Variants in TAF1B observed in about 807,000 individuals in gnomAD.
The protein encoded by TAF1B is TATA-box binding protein associated factor, RNA polymerase I subunit B, also known as TATA box-binding protein-associated factor RNA polymerase I subunit B.
Under a neutral mutation model 83.9 loss-of-function variants are expected in TAF1B, and 61 were observed. That is an observed-to-expected ratio of 0.73 (90% CI 0.59 to 0.90). The LOEUF (loss-of-function observed/expected upper bound fraction) is 0.90, where lower values mean the gene tolerates loss of function less well. Ranked by LOEUF, TAF1B falls within the 40% of genes least tolerant of loss-of-function variation. TAF1B has a pLI of 0.00. For missense variants in TAF1B, 625 were observed against 677.0 expected, an observed-to-expected ratio of 0.92 and a Z score of 0.85; for synonymous variants, 221 against 224.6, an observed-to-expected ratio of 0.98 and a Z score of 0.14.
At chr2:9,883,888 G>A (rs537598285) in intron 8 of TAF1B, among the ~76,000 whole-genome samples, 4 of 152,214 alleles carry the variant, frequency 2.6e-5, no homozygotes, top group Non-Finnish European at 1.5e-5. Flanking sequence ...ATATTGTTGC[G>A]GGATCTTTGG....
chr2:9,846,907 T>G (rs1405308938), intron 2 of TAF1B, among the ~76,000 whole-genome samples: 1 of 152,174 alleles, frequency 6.6e-6, no homozygotes. Context: ...TCACCCTCAT[T>G]GTGTAGTAAG....
intron 8 of TAF1B, among the ~76,000 whole-genome samples, chr2:9,899,726 G>C (rs1665127130): frequency 6.6e-6 from 1 of 152,134 alleles, no homozygotes. Flanking sequence ...AAAATAATGA[G>C]AAGTACAAAG....
At chr2:9,867,737 A>AT (rs1251340234) in intron 5 of TAF1B, among the ~76,000 whole-genome samples, 1 of 152,172 alleles carries the variant, frequency 6.6e-6, no homozygotes, top group African/African-American at 2.4e-5. Context: ...GTAGTATGAG[A>AT]TAGTATATCC....
At chr2:9,887,466 A>G (rs1664714537) in intron 8 of TAF1B, among the ~76,000 whole-genome samples, 1 of 152,112 alleles carries the variant, frequency 6.6e-6, no homozygotes, top group Non-Finnish European at 1.5e-5. Flanking sequence ...CTTCTTGATA[A>G]ATTGACTCCT....
At chr2:9,905,532 G>T (rs540131610) in intron 9 of TAF1B, among the ~76,000 whole-genome samples, 1 of 152,278 alleles carries the variant, frequency 6.6e-6, no homozygotes, top group Admixed American at 6.5e-5. Flanking sequence ...AACATAGAAT[G>T]TAAAAAGAGC....
In TAF1B at chr2:9,910,549, C is replaced by T. The variant is rs188119295; in HGVS notation, c.956-187C>T. ...TAGGAAGTCGGAATAGGGAATGATA[C>T]GCCGTTTTAAGATTCTACCATTCAT... On this transcript the variant is annotated intron_variant, in intron 9 of 14. Transcript: ENST00000263663. Among the ~76,000 whole-genome samples the T allele has an allele frequency of 1.2e-4, 18 of 152,242 alleles. No homozygotes were observed. In the South Asian group the frequency reaches 1.7e-3, roughly 14 times the overall value.
At chr2:9,919,235 A>G (rs1029022580) in intron 13 of TAF1B, 124 bp downstream of exon 13, 8 of 743,924 alleles carry the variant, frequency 1.1e-5, no homozygotes, top group African/African-American at 3.5e-5. Flanking sequence ...TCCAGGGCAC[A>G]TGTACATCCA....
At position 9,849,449 on chromosome 2, in the gene TAF1B, A is replaced by G. The variant is rs539544418; in HGVS notation, c.194A>G (p.Lys65Arg). Reference sequence around the variant, plus strand: ...GCCCTCAACCGGGGGCTTAAAAAAAAAAACAATACTGGTAAGTTCTTTCTT... The same window carrying G: ...GCCCTCAACCGGGGGCTTAAAAAAAGAAACAATACTGGTAAGTTCTTTCTT... The part of the protein sequence containing the change: ...IKALNRGLKK[K>R]NNTEKGWDWY... The change falls in exon 3 of 15, where the codon AAA (lysine) becomes AGA (arginine). Residue 65 changes from lysine (K) to arginine (R), a missense_variant. Coordinates refer to ENST00000263663, the MANE Select transcript of TAF1B (RefSeq NM_005680.3). 7 of 1,564,332 alleles carry G rather than the reference A, an allele frequency of 4.5e-6. No individual in the cohort carries two copies. The East Asian group carries it at 1.4e-4, about 30-fold the overall frequency.
chr2:9,848,528 T>G (rs1315057072), intron 2 of TAF1B, among the ~76,000 whole-genome samples: 1 of 152,136 alleles, frequency 6.6e-6, no homozygotes, highest in Non-Finnish European at 1.5e-5. Context: ...TAGCCAGGCG[T>G]GATGGCGCAT....
chr2:9,869,578 A>G (rs1359863843), intron 6 of TAF1B, among the ~76,000 whole-genome samples: 1 of 151,880 alleles, frequency 6.6e-6, no homozygotes, highest in African/African-American at 2.4e-5. Context: ...TAGTTTTTAC[A>G]TTAAAAGTAA....
chr2:9,883,612 A>G (rs1664576616), intron 8 of TAF1B, among the ~76,000 whole-genome samples: 1 of 152,212 alleles, frequency 6.6e-6, no homozygotes, highest in Non-Finnish European at 1.5e-5. Flanking sequence ...ATTTTATGGA[A>G]GTTTCAGCAT....
chr2:9,876,846 T>G (rs1664335077), intron 7 of TAF1B, among the ~76,000 whole-genome samples: 1 of 152,164 alleles, frequency 6.6e-6, no homozygotes, highest in Non-Finnish European at 1.5e-5. Context: ...TTTCAATAAT[T>G]AGCGCTACAT....
intron 8 of TAF1B, among the ~76,000 whole-genome samples, chr2:9,891,088 A>C (rs540219282): frequency 6.6e-6 from 1 of 152,222 alleles, no homozygotes; most frequent in South Asian, 2.1e-4. Flanking sequence ...CTTACTTTAA[A>C]TTATACAATA....
At chr2:9,898,889 CAT>C (rs1474407205) in intron 8 of TAF1B, among the ~76,000 whole-genome samples, 3 of 150,472 alleles carry the variant, frequency 2.0e-5, no homozygotes, top group Non-Finnish European at 4.4e-5. Flanking sequence ...ACCTCTTTAA[CAT>C]GTGTTTTTTT....
intron 8 of TAF1B, among the ~76,000 whole-genome samples, chr2:9,884,631 G>A (rs1295959191): frequency 6.6e-6 from 1 of 152,220 alleles, no homozygotes; most frequent in African/African-American, 2.4e-5. Context: ...CAGGCAGGTC[G>A]TCCTATTGTC....
At chr2:9,889,311 G>C (rs375793) in intron 8 of TAF1B, among the ~76,000 whole-genome samples, 42,391 of 151,552 alleles carry the variant, frequency 0.28, 6,894 homozygotes, top group Middle Eastern at 0.41. Context: ...ACTATGTTTT[G>C]TTTTGATAAT....
chr2:9,927,005 ATGT>A (rs1251657524), intron 14 of TAF1B, among the ~76,000 whole-genome samples: 1 of 129,020 alleles, frequency 7.8e-6, no homozygotes, highest in Admixed American at 9.3e-5. Context: ...ATTTCTCCTA[ATGT>A]TGTCCCTCCC....
chr2:9,847,800 T>C (rs1007997812), intron 2 of TAF1B, among the ~76,000 whole-genome samples: 2 of 152,210 alleles, frequency 1.3e-5, no homozygotes, highest in African/African-American at 2.4e-5. Flanking sequence ...ATAGAAAATT[T>C]GGAAATTGTG....
chr2:9,851,646 C>T lies in TAF1B; in HGVS notation c.303+8C>T, dbSNP rs746872194. The stretch of plus-strand genomic sequence containing the variant: ...GTAGGCCCAGAGTTAAAGGTAAGTA[C>T]ATTTGTGACTAGATGTTAGCTTTAC... On this transcript the variant is annotated splice_region_variant and intron_variant, in intron 4 of 14. Coordinates refer to ENST00000263663, the MANE Select transcript of TAF1B (RefSeq NM_005680.3). The T allele has an allele frequency of 1.9e-6, 3 of 1,594,964 alleles. No homozygotes were observed. Among genetic ancestry groups the T allele is most frequent in the South Asian group, 1.1e-5 (1 of 87,736 alleles).
Sources: allele counts gnomAD v4.1 joint callset (sites outside exome capture counted in the v4.1 genomes callset), GRCh38; gene constraint gnomAD v4.1.1; transcripts MANE v1.5; gene names NCBI Gene and HGNC (gene_info 2026-07-23, HGNC 2026-07-21).